Variants in EFEMP1 observed in about 807,000 individuals in gnomAD.
EFEMP1 encodes the protein EGF-like fibulin extracellular matrix protein 1.
In EFEMP1, 18 loss-of-function variants were observed where a neutral mutation model predicts 65.7. That is an observed-to-expected ratio of 0.27 (90% CI 0.19 to 0.41). The LOEUF is 0.41. Ranked by LOEUF, EFEMP1 falls within the 10% of genes least tolerant of loss-of-function variation. EFEMP1 has a pLI of 1.00. For missense variants in EFEMP1, 469 were observed against 624.8 expected (o/e 0.75, Z 2.66); for synonymous variants, 237 against 219.7 (o/e 1.08, Z -0.70).
intron 5 of EFEMP1, among the ~76,000 whole-genome samples, chr2:55,884,065 T>C (rs1669340289): frequency 6.6e-6 from 1 of 152,152 alleles, no homozygotes; most frequent in African/African-American, 2.4e-5. Flanking sequence ...AAGTGACCTC[T>C]GTGACCAGGA....
chr2:55,891,145 T>C (rs538785968), intron 5 of EFEMP1, among the ~76,000 whole-genome samples: 1 of 152,084 alleles, frequency 6.6e-6, no homozygotes, highest in African/African-American at 2.4e-5. Flanking sequence ...AAAGCAGAAA[T>C]AGAATAAATG....
At position 55,917,901 on chromosome 2, in the gene EFEMP1, G is replaced by A. The variant is rs777942411; in HGVS notation, c.281C>T (p.Thr94Ile). 6.2e-7 allele frequency: 1 copy of A among 1,614,144 alleles called. No homozygotes were observed. Among genetic ancestry groups the A allele is most frequent in the Non-Finnish European group, 8.5e-7 (1 of 1,180,028 alleles). ...PQQETQPAEG[T>I]SGATTGVVAA... ...TACAACCCCGGTGGTTGCCCCTGAGGTTCCTTCTGCTGGTTGTGTTTCCTG... is the reference window on the plus strand; with the variant it reads ...TACAACCCCGGTGGTTGCCCCTGAGATTCCTTCTGCTGGTTGTGTTTCCTG... Residue 94 changes from threonine (T) to isoleucine (I), a missense_variant, in exon 5 of 12, where the codon ACC becomes ATC. By Grantham distance (89) the Thr-to-Ile change is moderately conservative. Transcript: ENST00000355426. This position sits in a 1 kb window ranked among gnomAD's most constrained non-coding sequence, Gnocchi z 6.3.
chr2:55,910,786 T>C (rs533903505), intron 5 of EFEMP1, among the ~76,000 whole-genome samples: 29 of 152,344 alleles, frequency 1.9e-4, no homozygotes, highest in African/African-American at 6.7e-4. Flanking sequence ...ATTCTTCAAA[T>C]ATCTGATATT....
chr2:55,922,816 C>A lies in EFEMP1; in HGVS notation c.-8+83G>T. 1 of 1,063,288 alleles carries A rather than the reference C, an allele frequency of 9.4e-7. No homozygotes were observed. Among genetic ancestry groups the A allele is most frequent in the Non-Finnish European group, 1.2e-6 (1 of 833,974 alleles). The allele number at this position is 1,063,288 out of a possible 1,614,324, so 65.9% of individuals were successfully genotyped here. On this transcript the variant is annotated intron_variant, in intron 2 of 11. Coordinates refer to ENST00000355426, the MANE Select transcript of EFEMP1 (RefSeq NM_001039348.3). The surrounding 1 kb of genome is among the most constrained non-coding windows in gnomAD (Gnocchi z 5.5). The stretch of plus-strand genomic sequence containing the variant: ...CAAAGGGGACGGTGCATTTCCTGCC[C>A]CCCAGTCCCACACCCCGGGGGATGG...
At chr2:55,879,070 C>A (rs761115675) in intron 6 of EFEMP1, among the ~76,000 whole-genome samples, 2 of 152,170 alleles carry the variant, frequency 1.3e-5, no homozygotes, top group Non-Finnish European at 2.9e-5. Context: ...TCTGCCCTAT[C>A]TATTCCCTTA....
At chr2:55,912,563 A>T (rs1414964538) in intron 5 of EFEMP1, among the ~76,000 whole-genome samples, 2 of 152,216 alleles carry the variant, frequency 1.3e-5, no homozygotes, top group African/African-American at 4.8e-5. Flanking sequence ...AGAGTAGTTT[A>T]GTTACCCTTA....
intron 3 of EFEMP1, among the ~76,000 whole-genome samples, chr2:55,918,775 C>T (rs181387888): frequency 6.7e-6 from 1 of 150,276 alleles, no homozygotes; most frequent in African/African-American, 2.4e-5. Context: ...TCCTAAGGAA[C>T]AGAGGTGTTC....
chr2:55,884,570 T>C (rs1432332708), intron 5 of EFEMP1, among the ~76,000 whole-genome samples: 3 of 152,216 alleles, frequency 2.0e-5, no homozygotes, highest in African/African-American at 7.2e-5. Flanking sequence ...CAGCCTTTTG[T>C]AGGTATCTCC....
At chr2:55,897,508 T>A (rs149542456) in intron 5 of EFEMP1, among the ~76,000 whole-genome samples, 1 of 152,340 alleles carries the variant, frequency 6.6e-6, no homozygotes, top group African/African-American at 2.4e-5. Flanking sequence ...GAAACTTAAA[T>A]AGGTCAATAA....
Position 55,866,983 on chromosome 2 carries a change from G to A in EFEMP1, c.*90C>T, listed in dbSNP as rs1572773848. On this transcript the variant is annotated 3_prime_UTR_variant, in exon 12 of 12. Transcript: ENST00000355426. Reference sequence around the variant, plus strand: ...GAGTGTACAGTATAGAGATGTAGATGCACTAGATATATCTATAAATAAAAT... The same window carrying A: ...GAGTGTACAGTATAGAGATGTAGATACACTAGATATATCTATAAATAAAAT... 2 of 1,488,452 alleles carry A rather than the reference G, an allele frequency of 1.3e-6. No homozygotes were observed. Among genetic ancestry groups the A allele is most frequent in the Non-Finnish European group, 1.9e-6 (2 of 1,071,362 alleles). The allele number at this position is 1,488,452 out of a possible 1,614,324, so 92.2% of individuals were successfully genotyped here. A position where few individuals can be genotyped will look rare whatever the true frequency, so the allele number is the denominator to read the frequency against.
chr2:55,892,459 T>A (rs1241165552), intron 5 of EFEMP1, among the ~76,000 whole-genome samples: 1 of 152,096 alleles, frequency 6.6e-6, no homozygotes, highest in East Asian at 1.9e-4. Context: ...CTTTTTCAAT[T>A]TTCAGTGGTG....
chr2:55,906,727 G>A (rs1019487786), intron 5 of EFEMP1, among the ~76,000 whole-genome samples: 4 of 152,138 alleles, frequency 2.6e-5, no homozygotes, highest in Non-Finnish European at 5.9e-5. Flanking sequence ...ACTACTTCCT[G>A]ACTATATAAT....
At chr2:55,888,334 CTTTTTTT>C (rs71713705) in intron 5 of EFEMP1, among the ~76,000 whole-genome samples, 1 of 114,306 alleles carries the variant, frequency 8.7e-6, no homozygotes, top group Non-Finnish European at 1.7e-5. Context: ...CCTTCTTAAA[CTTTTTTT>C]TTTTTTTTTT....
rs55849640 is a variant in EFEMP1 at position 55,918,036 on chromosome 2, T to G, written c.146A>C (p.Asp49Ala). The G allele has an allele frequency of 1.3e-3, 2,141 of 1,614,236 alleles. 4 individuals carry two copies. Among genetic ancestry groups the G allele is most frequent in the Non-Finnish European group, 1.6e-3 (1,885 of 1,180,032 alleles). Reference sequence around the variant, plus strand: ...ACCTTTACAAGCGTCTGGGACAATGTCACATTCATCAATATCTGTGGTCAG... The same window carrying G: ...ACCTTTACAAGCGTCTGGGACAATGGCACATTCATCAATATCTGTGGTCAG... ...RQQCKDIDEC[D>A]IVPDACKGGM... The change falls in exon 5 of 12, where the codon GAC becomes GCC. Residue 49 changes from aspartate (D) to alanine (A), a missense_variant. Transcript: ENST00000355426.
chr2:55,877,702 T>A lies in EFEMP1; in HGVS notation c.760+44A>T. 1 of 1,611,756 alleles carries A rather than the reference T, an allele frequency of 6.2e-7. No homozygotes were observed. On this transcript the variant is annotated intron_variant, in intron 7 of 11. Coordinates refer to ENST00000355426, the MANE Select transcript of EFEMP1 (RefSeq NM_001039348.3). This position sits in a 1 kb window ranked among gnomAD's most constrained non-coding sequence, Gnocchi z 4.5. ...AAATACTGCAACATGGCATGGGGTT[T>A]CCTTTTGTGAAGACAGAAATCAGCA...
intron 3 of EFEMP1, among the ~76,000 whole-genome samples, chr2:55,918,649 G>A (rs1442343595): frequency 1.4e-5 from 2 of 138,042 alleles, no homozygotes; most frequent in East Asian, 2.0e-4. Flanking sequence ...CTCTTTCCTC[G>A]CCCTCTCCCC....
rs375954642 is a variant in EFEMP1, at chr2:55,905,541, G to A, written c.517+12124C>T. On this transcript the variant is annotated intron_variant, in intron 5 of 11. Transcript: ENST00000355426. Reference sequence around the variant, plus strand: ...CGGCTCACTGCAACCTCCACCTCCCGGCTTCAAGCGATTCTCCTGTCTCAG... The same window carrying A: ...CGGCTCACTGCAACCTCCACCTCCCAGCTTCAAGCGATTCTCCTGTCTCAG... Among the ~76,000 whole-genome samples, 18 of 152,132 alleles carry A rather than the reference G, an allele frequency of 1.2e-4. No individual in the cohort carries two copies. In the East Asian group the frequency reaches 1.5e-3, roughly 13 times the overall value.
At chr2:55,874,475 A>G (rs1352946790) in intron 9 of EFEMP1, among the ~76,000 whole-genome samples, 1 of 152,114 alleles carries the variant, frequency 6.6e-6, no homozygotes, top group Non-Finnish European at 1.5e-5. Flanking sequence ...TTTCTCTAAA[A>G]TATTCAACTA....
Position 55,871,733 on chromosome 2 carries a change from G to T in EFEMP1, c.1001-610C>A, listed in dbSNP as rs954886356. On this transcript the variant is annotated intron_variant, in intron 9 of 11. Transcript: ENST00000355426. The surrounding 1 kb of genome is among the most constrained non-coding windows in gnomAD (Gnocchi z 4.2). ...TCAGGAACTTGGGAGAAAGGTAAAG[G>T]CTAGAAATCTGGTTTCAGTAAGCTG... Among the ~76,000 whole-genome samples, 1 of 152,042 alleles carries T rather than the reference G, an allele frequency of 6.6e-6. No homozygotes were observed. The highest frequency in any genetic ancestry group is 1.5e-5 in the Non-Finnish European group (1 of 67,974).
Sources: allele counts gnomAD v4.1 joint callset (sites outside exome capture counted in the v4.1 genomes callset), GRCh38; gene constraint gnomAD v4.1.1; non-coding constraint Gnocchi (gnomAD v3.1); transcripts MANE v1.5; gene names NCBI Gene and HGNC (gene_info 2026-07-23, HGNC 2026-07-21).